The following PREX2 variants were observed in gnomAD, a reference collection of about 807,000 sequenced individuals.
The protein encoded by PREX2 is phosphatidylinositol 3,4,5-trisphosphate-dependent Rac exchanger 2 protein.
Under a neutral mutation model 203.2 loss-of-function variants are expected in PREX2, and 107 were observed. The ratio of observed to expected loss-of-function variants is 0.53; its 90% CI spans 0.45 to 0.62. PREX2 has a LOEUF of 0.62. Among genes scored for constraint, PREX2 ranks in the 20% least tolerant of loss-of-function variants. PREX2 has a pLI of 0.00. For synonymous variants in PREX2, 672 were observed against 663.6 expected, an observed-to-expected ratio of 1.01 and a Z score of -0.19; for missense variants, 1,777 against 1,955.9, an observed-to-expected ratio of 0.91 and a Z score of 1.72.
Position 68,030,606 on chromosome 8 carries a change from T to C in PREX2, c.653T>C (p.Met218Thr). 6.2e-7 allele frequency: 1 copy of C among 1,613,632 alleles called. No homozygotes were observed. The highest frequency in any genetic ancestry group is 1.1e-5 in the South Asian group (1 of 91,054). The change falls in exon 6 of 40, where the codon ATG (methionine) becomes ACG (threonine). Residue 218 changes from methionine to threonine, a missense_variant. Transcript: ENST00000288368. ...AACATAAACGAGGCCAAGAGACAGA[T>C]GGAGAAGTTAGAAGTTTTAGAGGAA... ...CSNINEAKRQ[M>T]EKLEVLEEWQ...
In PREX2 at chr8:68,231,366, TG is replaced by T; in HGVS notation, c.4811del (p.Gly1604GlufsTer32). ...AGCTGTGCGAGCCACCTCCCCCAGC[TG>T]GAGAAGAATGAAAAGAACTCCCAAG... ...YKLCEPPPPA[G>X]EE On this transcript the variant is annotated frameshift_variant, in exon 40 of 40. Transcript: ENST00000288368. LOFTEE classifies it high-confidence loss of function. 1 of 1,599,666 alleles carries T rather than the reference TG, an allele frequency of 6.3e-7. No individual in the cohort carries two copies. Among genetic ancestry groups the T allele is most frequent in the Non-Finnish European group, 8.5e-7 (1 of 1,173,972 alleles).
intron 1 of PREX2, among the ~76,000 whole-genome samples, chr8:67,956,046 C>T (rs1053740623): frequency 1.3e-5 from 2 of 152,156 alleles, no homozygotes; most frequent in Non-Finnish European, 2.9e-5. Flanking sequence ...ATAGGTTACA[C>T]TATCTAGATT....
At chr8:68,008,707 G>A (rs1244290963) in intron 1 of PREX2, among the ~76,000 whole-genome samples, 1 of 152,104 alleles carries the variant, frequency 6.6e-6, no homozygotes, top group East Asian at 1.9e-4. Flanking sequence ...GAATCATGGG[G>A]GCATGTCTTT....
intron 11 of PREX2, among the ~76,000 whole-genome samples, chr8:68,068,038 A>T (rs1809073193): frequency 6.6e-6 from 1 of 151,982 alleles, no homozygotes; most frequent in African/African-American, 2.4e-5. Context: ...GTGTTGAACC[A>T]CCCTTAGTTC....
chr8:68,002,964 G>A (rs553117362), intron 1 of PREX2, among the ~76,000 whole-genome samples: 33 of 152,106 alleles, frequency 2.2e-4, no homozygotes, highest in African/African-American at 8.0e-4. Flanking sequence ...ATTGTACAGG[G>A]GACAGAAAGC....
intron 1 of PREX2, among the ~76,000 whole-genome samples, chr8:67,959,579 C>T (rs1357759538): frequency 6.6e-6 from 1 of 152,104 alleles, no homozygotes; most frequent in Non-Finnish European, 1.5e-5. Flanking sequence ...TAGCAAGCAC[C>T]CCCATGGCAC....
chr8:68,150,040 G>C (rs1025264275), intron 34 of PREX2, among the ~76,000 whole-genome samples: 3 of 152,196 alleles, frequency 2.0e-5, no homozygotes, highest in African/African-American at 7.2e-5. Context: ...ATCTTAGTGG[G>C]ATAGTTTTCT....
At chr8:68,085,980 T>G (rs996278772) in intron 18 of PREX2, among the ~76,000 whole-genome samples, 1 of 152,206 alleles carries the variant, frequency 6.6e-6, no homozygotes, top group African/African-American at 2.4e-5. Context: ...TTCTTCTGAT[T>G]TTGTTTCAGG....
chr8:68,054,822 A>G (rs2597859), intron 9 of PREX2, among the ~76,000 whole-genome samples: 2 of 152,304 alleles, frequency 1.3e-5, no homozygotes, highest in South Asian at 4.1e-4. Flanking sequence ...CTTGGTGCCC[A>G]CCGGACTCCT....
chr8:68,227,964 G>T (rs1325687166), intron 39 of PREX2, among the ~76,000 whole-genome samples: 1 of 152,260 alleles, frequency 6.6e-6, no homozygotes, highest in East Asian at 1.9e-4. Flanking sequence ...TGGCATTGGG[G>T]TATTAAGATG....
chr8:68,208,535 T>C (rs1453630500), intron 37 of PREX2, among the ~76,000 whole-genome samples: 1 of 152,132 alleles, frequency 6.6e-6, no homozygotes, highest in Non-Finnish European at 1.5e-5. Context: ...TCAGGTTCAG[T>C]GAATTTCTAA....
At chr8:68,061,091 C>T (rs1209318656) in intron 11 of PREX2, among the ~76,000 whole-genome samples, 1 of 152,112 alleles carries the variant, frequency 6.6e-6, no homozygotes, top group East Asian at 1.9e-4. Flanking sequence ...GAGGACGGGA[C>T]ATGACAAGTG....
intron 35 of PREX2, among the ~76,000 whole-genome samples, chr8:68,177,686 A>G (rs1198366115): frequency 2.0e-5 from 3 of 152,070 alleles, no homozygotes; most frequent in African/African-American, 4.8e-5. Flanking sequence ...GGTTTGTTAC[A>G]TAGGTAAATG....
intron 37 of PREX2, among the ~76,000 whole-genome samples, chr8:68,215,099 G>C (rs1356858026): frequency 1.3e-5 from 2 of 152,142 alleles, no homozygotes; most frequent in Admixed American, 6.5e-5. Context: ...GCATGTTCCT[G>C]GGCACATTCG....
intron 14 of PREX2, among the ~76,000 whole-genome samples, chr8:68,076,236 C>T (rs913505347): frequency 3.9e-5 from 6 of 152,122 alleles, no homozygotes; most frequent in African/African-American, 1.4e-4. Flanking sequence ...GCGAGTGGAT[C>T]ACCTGAGGTT....
intron 7 of PREX2, among the ~76,000 whole-genome samples, chr8:68,041,370 G>C (rs368924400): frequency 2.0e-5 from 3 of 151,972 alleles, no homozygotes; most frequent in Non-Finnish European, 4.4e-5. Flanking sequence ...GCAAACATTT[G>C]GTAGCTATGA....
intron 30 of PREX2, among the ~76,000 whole-genome samples, chr8:68,123,631 C>A (rs558117315): frequency 6.6e-6 from 1 of 151,976 alleles, no homozygotes; most frequent in Non-Finnish European, 1.5e-5. Flanking sequence ...ACTATGGACA[C>A]CTCTATGCAC....
At chr8:67,963,741 T>C (rs1320173115) in intron 1 of PREX2, among the ~76,000 whole-genome samples, 3 of 152,214 alleles carry the variant, frequency 2.0e-5, no homozygotes, top group African/African-American at 7.2e-5. Context: ...TTCGTAAGGA[T>C]ATTTGTTCAG....
intron 37 of PREX2, among the ~76,000 whole-genome samples, chr8:68,200,424 A>G (rs955534312): frequency 6.6e-6 from 1 of 152,136 alleles, no homozygotes; most frequent in African/African-American, 2.4e-5. Flanking sequence ...AGGCAAATAA[A>G]CATTAAAATT....
Sources: gnomAD v4.1 joint callset for allele counts (sites outside exome capture counted in the v4.1 genomes callset) on GRCh38, gnomAD v4.1.1 for gene constraint, MANE v1.5 for transcripts, NCBI Gene and HGNC (gene_info 2026-07-23, HGNC 2026-07-21) for gene names.